Variants in ERICH3 observed in about 807,000 individuals in gnomAD.
The protein encoded by ERICH3 is glutamate rich 3.
A neutral mutation model predicts 131.1 loss-of-function variants in ERICH3; 126 were observed. The ratio of observed to expected loss-of-function variants is 0.96; its 90% CI spans 0.83 to 1.11. ERICH3 has a LOEUF of 1.11. ERICH3 is among the 50% of genes most tolerant of loss of function. The pLI is 0.00. For missense variants in ERICH3, 2,050 were observed against 1,810.7 expected, an observed-to-expected ratio of 1.13 and a Z score of -2.40; for synonymous variants, 695 against 644.6, an observed-to-expected ratio of 1.08 and a Z score of -1.18.
Position 74,572,792 on chromosome 1 carries a change from G to T in ERICH3, c.2918C>A (p.Ala973Glu). ...GGCTGGTTCCTCTCCCCCAAGAATT[G>T]CCTCTTCAGAACCGTCCTCTCTCTT... ...ASKREDGSEE[A>E]ILGGEEPAKE... is the part of the protein sequence containing the mutation. The change falls in exon 14 of 15, where the codon GCA becomes GAA. Residue 973 changes from alanine to glutamate, a missense_variant. Transcript: ENST00000326665. 6.2e-7 allele frequency: 1 copy of T among 1,613,646 alleles called. No homozygotes were observed. Among genetic ancestry groups the T allele is most frequent in the Non-Finnish European group, 8.5e-7 (1 of 1,179,954 alleles).
intron 12 of ERICH3, among the ~76,000 whole-genome samples, chr1:74,582,734 A>C (rs913568589): frequency 1.3e-5 from 2 of 152,198 alleles, no homozygotes; most frequent in South Asian, 4.1e-4. Flanking sequence ...GAAATATTAA[A>C]TATTTACTAA....
chr1:74,569,777 C>G lies in ERICH3; in HGVS notation c.*681G>C, dbSNP rs1396782629. 6 of 152,146 alleles carry G rather than the reference C, an allele frequency of 3.9e-5. No homozygotes were observed. Among genetic ancestry groups the G allele is most frequent in the African/African-American group, 1.4e-4 (6 of 41,402 alleles). The allele number at this position is 152,146 out of a possible 1,614,324, so 9.4% of individuals were successfully genotyped here. ...TACTAGTCTACCCCAGAAAGCAGAA[C>G]TACAGAAACACACACAAAAAAACAA... is the stretch of plus-strand genomic sequence containing the variant. On this transcript the variant is annotated 3_prime_UTR_variant, in exon 15 of 15. Coordinates refer to ENST00000326665, the MANE Select transcript of ERICH3 (RefSeq NM_001002912.5).
chr1:74,645,170 G>A (rs1022253476), intron 3 of ERICH3, among the ~76,000 whole-genome samples: 9 of 151,152 alleles, frequency 6.0e-5, no homozygotes, highest in East Asian at 5.9e-4. Flanking sequence ...CACTCTATTC[G>A]TTCCTCTCTT....
chr1:74,584,463 A>G (rs1033919228), intron 12 of ERICH3, among the ~76,000 whole-genome samples: 2 of 152,024 alleles, frequency 1.3e-5, no homozygotes, highest in Admixed American at 1.3e-4. Context: ...CAATTCCTTC[A>G]TTCAGCAGCT....
chr1:74,609,907 A>T (rs1181522835), intron 9 of ERICH3, among the ~76,000 whole-genome samples: 1 of 152,084 alleles, frequency 6.6e-6, no homozygotes, highest in Non-Finnish European at 1.5e-5. Context: ...TACAGAGGCT[A>T]GTGGGTGTTG....
At chr1:74,674,197 C>G (rs1646766780), upstream of ERICH3, among the ~76,000 whole-genome samples, 1 of 152,200 alleles carries the variant, frequency 6.6e-6, no homozygotes, top group African/African-American at 2.4e-5. Context: ...TGGAAAACCC[C>G]TATCCTTCTT....
intron 1 of ERICH3, among the ~76,000 whole-genome samples, chr1:74,666,221 C>T (rs1048065003): frequency 5.3e-5 from 8 of 151,848 alleles, no homozygotes; most frequent in Non-Finnish European, 1.0e-4. Flanking sequence ...TGCTCATCGA[C>T]CAAAAAAGTT....
At chr1:74,618,166 GA>G (rs1261504914) in intron 8 of ERICH3, among the ~76,000 whole-genome samples, 1 of 152,048 alleles carries the variant, frequency 6.6e-6, no homozygotes, top group East Asian at 1.9e-4. Context: ...TCTTAAAAAA[GA>G]AAAAAATTAA....
At chr1:74,634,006 T>A (rs1447103536) in intron 6 of ERICH3, among the ~76,000 whole-genome samples, 1 of 152,108 alleles carries the variant, frequency 6.6e-6, no homozygotes, top group Non-Finnish European at 1.5e-5. Context: ...CTCCTGCTAC[T>A]TAGCAAAGTT....
intron 7 of ERICH3, among the ~76,000 whole-genome samples, chr1:74,627,310 A>G (rs976079224): frequency 1.3e-5 from 2 of 152,166 alleles, no homozygotes; most frequent in African/African-American, 2.4e-5. Context: ...ATCACAAAGG[A>G]GTAGGACAAG....
At chr1:74,596,095 A>G (rs1372670653) in intron 11 of ERICH3, among the ~76,000 whole-genome samples, 1 of 152,132 alleles carries the variant, frequency 6.6e-6, no homozygotes, top group South Asian at 2.1e-4. Context: ...AAATCAATTA[A>G]GTAGAATATT....
chr1:74,648,773 A>G (rs1646506243), intron 2 of ERICH3, among the ~76,000 whole-genome samples: 1 of 152,162 alleles, frequency 6.6e-6, no homozygotes, highest in African/African-American at 2.4e-5. Context: ...TCAATAAACC[A>G]TCACAGGAAG....
chr1:74,646,554 C>A, intron 3 of ERICH3, 113 bp downstream of exon 3: 1 of 627,776 alleles, frequency 1.6e-6, no homozygotes, highest in South Asian at 4.5e-5. Context: ...TATTAATTAT[C>A]ATATTAGACA....
At chr1:74,582,760 A>G (rs749026361) in intron 12 of ERICH3, among the ~76,000 whole-genome samples, 2 of 152,168 alleles carry the variant, frequency 1.3e-5, no homozygotes, top group Non-Finnish European at 2.9e-5. Context: ...AAACATTCTT[A>G]TGATCATTTT....
chr1:74,569,480 C>T lies in ERICH3; in HGVS notation c.*978G>A, dbSNP rs992264814. The stretch of plus-strand genomic sequence containing the variant: ...GGAGTAATTTAGAATGCAGTTGTTA[C>T]TGTTGATTTATAATGAACTGCAAGG... On this transcript the variant is annotated 3_prime_UTR_variant, in exon 15 of 15. Transcript: ENST00000326665. The T allele has an allele frequency of 6.6e-6, 1 of 152,110 alleles. No individual in the cohort carries two copies. The highest frequency in any genetic ancestry group is 1.5e-5 in the Non-Finnish European group (1 of 68,026). The allele number at this position is 152,110 out of a possible 1,614,324, so 9.4% of individuals were successfully genotyped here. A position where few individuals can be genotyped will look rare whatever the true frequency, so the allele number is the denominator to read the frequency against.
intron 2 of ERICH3, among the ~76,000 whole-genome samples, chr1:74,647,077 T>A (rs1025181820): frequency 6.6e-6 from 1 of 152,008 alleles, no homozygotes; most frequent in African/African-American, 2.4e-5. Context: ...TTAATGAATA[T>A]TTCATGAGGC....
intron 11 of ERICH3, among the ~76,000 whole-genome samples, chr1:74,596,053 C>A (rs1647831645): frequency 6.6e-6 from 1 of 151,944 alleles, no homozygotes; most frequent in African/African-American, 2.4e-5. Context: ...ATATTGAAGC[C>A]AAAAGATTAA....
chr1:74,581,016 T>G (rs993779600), intron 12 of ERICH3, among the ~76,000 whole-genome samples: 1 of 152,222 alleles, frequency 6.6e-6, no homozygotes, highest in African/African-American at 2.4e-5. Flanking sequence ...GGCAAATATT[T>G]CTTCCAGAGT....
intron 5 of ERICH3, 91 bp downstream of exon 5, chr1:74,641,240 T>A: frequency 6.9e-7 from 1 of 1,446,714 alleles, no homozygotes; most frequent in Non-Finnish European, 9.4e-7. Context: ...CATTACGGAG[T>A]CATGCTCCCA....
Sources: gnomAD v4.1 joint callset for allele counts (sites outside exome capture counted in the v4.1 genomes callset) on GRCh38, gnomAD v4.1.1 for gene constraint, MANE v1.5 for transcripts, NCBI Gene and HGNC (gene_info 2026-07-23, HGNC 2026-07-21) for gene names.